Variants in ATP2B3 observed in about 807,000 individuals in gnomAD.
The protein encoded by ATP2B3 is ATPase plasma membrane Ca2+ transporting 3.
In ATP2B3, 12 loss-of-function variants were observed where a neutral mutation model predicts 70.8. The observed-to-expected ratio is 0.17, with a 90% CI of 0.11 to 0.27. The LOEUF (loss-of-function observed/expected upper bound fraction) is 0.27. Among genes scored for constraint, ATP2B3 ranks in the 10% least tolerant of loss-of-function variants. The pLI, the probability that ATP2B3 is intolerant of heterozygous loss-of-function variation, is 1.00. For missense variants in ATP2B3, 858 were observed against 1,118.5 expected (o/e 0.77, Z 3.32); for synonymous variants, 460 against 497.8 (o/e 0.92, Z 1.01).
chrX:153,535,510 CCT>C (rs2124377244), intron 2 of ATP2B3, among the ~76,000 whole-genome samples: 1 of 109,544 alleles, frequency 9.1e-6, no homozygotes, highest in African/African-American at 3.3e-5. Context: ...CCGTCTTGTC[CCT>C]CTCTCCCCTC....
chrX:153,580,504 G>A lies in ATP2B3; in HGVS notation c.*206G>A, dbSNP rs998361268. 1.0e-5 allele frequency: 4 copies of A among 398,330 alleles called. No individual in the cohort carries two copies. The highest frequency in any genetic ancestry group is 1.3e-5 in the Non-Finnish European group (3 of 232,939). The allele number at this position is 398,330 out of a possible 1,213,427, so 32.8% of individuals were successfully genotyped here. A position where few individuals can be genotyped will look rare whatever the true frequency, so the allele number is the denominator to read the frequency against. On this transcript the variant is annotated 3_prime_UTR_variant, in exon 22 of 22. Transcript: ENST00000263519. The stretch of plus-strand genomic sequence containing the variant: ...GCAGCCTGCCACAGGCTCCTCATCC[G>A]GACTGAGGAAGACGAGGACAGGGAG...
chrX:153,548,994 A>AG, intron 10 of ATP2B3, 140 bp downstream of exon 10: 1 of 596,802 alleles, frequency 1.7e-6, no homozygotes, highest in South Asian at 3.0e-5. Context: ...GCAGGGACCC[A>AG]GGGGGCAGCT....
intron 8 of ATP2B3, 56 bp downstream of exon 8, chrX:153,546,185 G>A (rs2090363658): frequency 4.2e-6 from 5 of 1,187,987 alleles, no homozygotes; most frequent in Non-Finnish European, 5.7e-6. Context: ...GGTGGGGCTG[G>A]TGGAGGGCAC....
chrX:153,558,412 G>C (rs1024452729), intron 17 of ATP2B3, 109 bp downstream of exon 17: 35 of 832,705 alleles, frequency 4.2e-5, no homozygotes, highest in Non-Finnish European at 5.8e-5. Flanking sequence ...TATTTTAATT[G>C]AGATCAAATT....
At chrX:153,545,685 AGCT>A (rs1376170268) in intron 7 of ATP2B3, among the ~76,000 whole-genome samples, 1 of 112,343 alleles carries the variant, frequency 8.9e-6, no homozygotes, top group African/African-American at 3.2e-5. Flanking sequence ...AGGCAAGGGC[AGCT>A]GGGTGCTGTC....
At chrX:153,541,181 C>T (rs1274548117) in intron 3 of ATP2B3, among the ~76,000 whole-genome samples, 178 bp from the exon 4 acceptor site, 2 of 112,702 alleles carry the variant, frequency 1.8e-5, no homozygotes, top group African/African-American at 6.4e-5. Flanking sequence ...GTGCACACCC[C>T]CAGCAGTCTG....
At chrX:153,542,974 G>T in intron 6 of ATP2B3, 69 bp from the exon 7 acceptor site, 2 of 1,159,487 alleles carry the variant, frequency 1.7e-6, no homozygotes, top group Admixed American at 2.3e-5. Context: ...GAGACAGGTT[G>T]TGGGCGCTGA....
rs2090933832 is a variant in ATP2B3 at position 153,582,839 on chromosome X, ATAATT to A, written c.*2545_*2549del. The stretch of plus-strand genomic sequence containing the variant: ...TAATGAGAAAGATCACAGATACGTA[ATAATT>A]TAAAGTCTGTAGTTGAATTTCCTAA... On this transcript the variant is annotated 3_prime_UTR_variant, in exon 22 of 22. Coordinates refer to ENST00000263519, the MANE Select transcript of ATP2B3 (RefSeq NM_001001344.3). 2 of 113,063 alleles carry A rather than the reference ATAATT, an allele frequency of 1.8e-5. No homozygotes were observed. The highest frequency in any genetic ancestry group is 3.6e-4 in the South Asian group (1 of 2,763). 9.3% of individuals were successfully genotyped at this position (113,063 alleles called of 1,213,427 possible). A position where few individuals can be genotyped will look rare whatever the true frequency, so the allele number is the denominator to read the frequency against.
intron 3 of ATP2B3, among the ~76,000 whole-genome samples, chrX:153,537,066 G>A (rs1402173645): frequency 3.5e-5 from 4 of 112,792 alleles, no homozygotes; most frequent in Admixed American, 2.8e-4. Context: ...GGGTAGTGTC[G>A]GTCTCACTGC....
chrX:153,568,026 GT>G (rs1415617873), intron 21 of ATP2B3, among the ~76,000 whole-genome samples: 4 of 111,946 alleles, frequency 3.6e-5, no homozygotes, highest in South Asian at 3.7e-4. Flanking sequence ...CTGGCCCCAG[GT>G]TTCTGCTTTT....
intron 13 of ATP2B3, 74 bp downstream of exon 13, chrX:153,553,343 C>T (rs1473334755): frequency 2.3e-5 from 22 of 958,109 alleles, no homozygotes; most frequent in South Asian, 2.0e-4. Flanking sequence ...CTGGTAGGGG[C>T]GGCCTTCCTT....
At chrX:153,556,887 A>AGCCCT (rs1557013888) in intron 15 of ATP2B3, 30 bp from the exon 16 acceptor site, 13 of 1,160,111 alleles carry the variant, frequency 1.1e-5, no homozygotes, top group South Asian at 7.6e-5. Context: ...AGATGGCCCC[A>AGCCCT]GCCCTGCCCT....
rs782054284 is a variant in ATP2B3 at position 153,542,409 on chromosome X, G to A, written c.751G>A (p.Val251Met). Reference sequence around the variant, plus strand: ...CTCCCTGACGGGCGAGTCTGACCACGTGCGCAAGTCAGCTGACAAAGATCC... The same window carrying A: ...CTCCCTGACGGGCGAGTCTGACCACATGCGCAAGTCAGCTGACAAAGATCC... ...ESSLTGESDH[V>M]RKSADKDPML... Residue 251 changes from valine (V) to methionine (M), a missense_variant, in exon 6 of 22, where the codon GTG becomes ATG. By Grantham distance (21) the Val-to-Met change is conservative (BLOSUM62 1). Transcript: ENST00000263519. The A allele has an allele frequency of 1.6e-5, 19 of 1,211,696 alleles. No individual in the cohort carries two copies. In the South Asian group the frequency reaches 1.6e-4, roughly 10 times the overall value.
intron 13 of ATP2B3, among the ~76,000 whole-genome samples, chrX:153,555,583 A>T (rs915075991): frequency 2.7e-5 from 3 of 110,706 alleles, no homozygotes; most frequent in Admixed American, 9.5e-5. Flanking sequence ...CTGTCCCCCC[A>T]CCACTGGGAC....
chrX:153,525,907 G>T (rs1020690099), intron 2 of ATP2B3, among the ~76,000 whole-genome samples: 5 of 113,259 alleles, frequency 4.4e-5, no homozygotes, highest in Admixed American at 9.2e-5. Context: ...CGCTGACCTG[G>T]GGGCCACTGC....
chrX:153,576,112 CCA>C (rs2090853915), intron 21 of ATP2B3, among the ~76,000 whole-genome samples: 1 of 111,669 alleles, frequency 9.0e-6, no homozygotes, highest in Non-Finnish European at 1.9e-5. Context: ...CAATGAATTT[CCA>C]CACAGTCAGG....
chrX:153,554,858 AGCCTG>A, intron 13 of ATP2B3, among the ~76,000 whole-genome samples: 1 of 112,093 alleles, frequency 8.9e-6, no homozygotes, highest in Non-Finnish European at 1.9e-5. Flanking sequence ...GAGGAAGGAC[AGCCTG>A]GCCTGGCCCT....
intron 21 of ATP2B3, among the ~76,000 whole-genome samples, chrX:153,575,774 A>G (rs2090849098): frequency 8.9e-6 from 1 of 112,203 alleles, no homozygotes; most frequent in Non-Finnish European, 1.9e-5. Flanking sequence ...ACCTAGACCC[A>G]GAGGAGGGGC....
At chrX:153,541,063 C>T (rs1557006001) in intron 3 of ATP2B3, among the ~76,000 whole-genome samples, 2 of 112,185 alleles carry the variant, frequency 1.8e-5, no homozygotes. Flanking sequence ...ACCTGGGACC[C>T]GCTGGAGTCC....
Sources: gnomAD v4.1 joint callset for allele counts (sites outside exome capture counted in the v4.1 genomes callset) on GRCh38, gnomAD v4.1.1 for gene constraint, MANE v1.5 for transcripts, NCBI Gene and HGNC (gene_info 2026-07-23, HGNC 2026-07-21) for gene names.